PPP1R1C: variants seen among roughly 807,000 people sequenced by gnomAD.
PPP1R1C encodes the protein protein phosphatase 1 regulatory subunit 1C.
Under a neutral mutation model 17.4 loss-of-function variants are expected in PPP1R1C, and 15 were observed. The observed-to-expected ratio is 0.86, with a 90% CI of 0.58 to 1.33. The LOEUF is 1.33. Ranked by LOEUF, PPP1R1C falls within the 40% of genes most tolerant of loss-of-function variation. The probability of loss-of-function intolerance (pLI) is 0.00; values close to 1 mark genes in which losing one functional copy is unlikely to be tolerated. For missense variants in PPP1R1C, 143 were observed against 130.0 expected, an observed-to-expected ratio of 1.10 and a Z score of -0.48; for synonymous variants, 35 against 43.1, an observed-to-expected ratio of 0.81 and a Z score of 0.73.
intron 4 of PPP1R1C, among the ~76,000 whole-genome samples, chr2:182,066,935 C>A (rs994195848): frequency 3.4e-5 from 5 of 145,204 alleles, no homozygotes; most frequent in Admixed American, 7.0e-5. Context: ...ATTTCTATCC[C>A]AATTTTGTGT....
At chr2:182,124,327 G>GTTTTT (rs1294464668) in intron 5 of PPP1R1C, among the ~76,000 whole-genome samples, 8 of 82,994 alleles carry the variant, frequency 9.6e-5, no homozygotes, top group East Asian at 3.4e-4. Context: ...TTTTTTTTTT[G>GTTTTT]TTTTTTTTTT....
downstream of PPP1R1C, among the ~76,000 whole-genome samples, chr2:182,120,007 C>G (rs537692126): frequency 6.6e-6 from 1 of 152,138 alleles, no homozygotes; most frequent in Admixed American, 6.6e-5. Flanking sequence ...ATGGTATTGC[C>G]TAGGTTTTCT....
chr2:182,055,816 C>T (rs189688896), intron 2 of PPP1R1C, among the ~76,000 whole-genome samples: 62 of 152,270 alleles, frequency 4.1e-4, no homozygotes, highest in African/African-American at 1.4e-3. Flanking sequence ...TTTCAAATTG[C>T]TCTGATGTTT....
intron 2 of PPP1R1C, among the ~76,000 whole-genome samples, chr2:182,052,566 A>T (rs532401491): frequency 6.6e-6 from 1 of 152,282 alleles, no homozygotes; most frequent in South Asian, 2.1e-4. Flanking sequence ...CTGGTTTAGG[A>T]TTGCCCACAA....
chr2:182,056,939 T>A (rs190746450), intron 2 of PPP1R1C, among the ~76,000 whole-genome samples: 1 of 152,334 alleles, frequency 6.6e-6, no homozygotes, highest in Non-Finnish European at 1.5e-5. Flanking sequence ...CATTTGAACC[T>A]AGTACATTGA....
At chr2:182,053,620 C>T (rs1178847523) in intron 2 of PPP1R1C, among the ~76,000 whole-genome samples, 3 of 151,886 alleles carry the variant, frequency 2.0e-5, no homozygotes, top group East Asian at 1.9e-4. Flanking sequence ...ATGGTCTGGG[C>T]GTAGAGTTAT....
In PPP1R1C at chr2:181,962,080, G is replaced by A. The variant is rs1446676622; in HGVS notation, n.111+7446G>A. On this transcript the variant is annotated intron_variant and non_coding_transcript_variant, in intron 1 of 5. Coordinates refer to the PPP1R1C transcript ENST00000464264. The surrounding 1 kb of genome is among the most constrained non-coding windows in gnomAD (Gnocchi z 6.0). ...CGAAGATCTGAACCCTCAGGTCCTC[G>A]ATGGTCTTGAGGTAATGACTCCAGT... 4.2e-6 allele frequency: 3 copies of A among 721,388 alleles called. No homozygotes were observed. The highest frequency in any genetic ancestry group is 2.8e-4 in the Middle Eastern group (1 of 3,568). 44.7% of individuals were successfully genotyped at this position (721,388 alleles called of 1,614,324 possible). A position where few individuals can be genotyped will look rare whatever the true frequency, so the allele number is the denominator to read the frequency against.
At chr2:182,090,739 T>A (rs1056120378) in intron 4 of PPP1R1C, among the ~76,000 whole-genome samples, 15 of 152,300 alleles carry the variant, frequency 9.8e-5, no homozygotes, top group African/African-American at 3.6e-4. Context: ...TGTTTTCAGA[T>A]GATAACTAGT....
intron 4 of PPP1R1C, among the ~76,000 whole-genome samples, chr2:182,068,608 G>A (rs1574425363): frequency 6.6e-6 from 1 of 152,288 alleles, no homozygotes; most frequent in Middle Eastern, 3.4e-3. Flanking sequence ...AACAAATGTG[G>A]CTTTTCCCTC....
intron 4 of PPP1R1C, among the ~76,000 whole-genome samples, chr2:182,078,074 G>T (rs909078493): frequency 6.6e-6 from 1 of 152,088 alleles, no homozygotes; most frequent in Admixed American, 6.5e-5. Context: ...CAGCTACTCC[G>T]GAGTCTGAGG....
chr2:182,099,991 A>G (rs1217829754), intron 4 of PPP1R1C, among the ~76,000 whole-genome samples: 2 of 152,210 alleles, frequency 1.3e-5, no homozygotes, highest in Non-Finnish European at 2.9e-5. Flanking sequence ...ACTTAACAAA[A>G]AAAAAGTCCC....
rs556825306 is a variant in PPP1R1C, at chr2:182,042,771, G to A, written c.143-18671G>A. On this transcript the variant is annotated intron_variant, in intron 2 of 4. Coordinates refer to ENST00000682840, the MANE Select transcript of PPP1R1C (RefSeq NM_001080545.3). ...TTCTGTGCACCAGCTTTTGAGAGGTGGCATCAAGTCATGAGACAAACAGGA... is the reference window on the plus strand; with the variant it reads ...TTCTGTGCACCAGCTTTTGAGAGGTAGCATCAAGTCATGAGACAAACAGGA... Among the ~76,000 whole-genome samples the A allele has an allele frequency of 2.6e-4, 39 of 152,260 alleles. No homozygotes were observed. In the South Asian group the frequency reaches 7.7e-3, roughly 30 times the overall value.
chr2:182,031,869 C>T (rs1337280381), intron 2 of PPP1R1C, among the ~76,000 whole-genome samples: 1 of 152,142 alleles, frequency 6.6e-6, no homozygotes, highest in Non-Finnish European at 1.5e-5. Flanking sequence ...TTGATATTCA[C>T]TTAGGAAGCA....
At chr2:182,016,223 C>G (rs951253275) in intron 2 of PPP1R1C, among the ~76,000 whole-genome samples, 1 of 152,336 alleles carries the variant, frequency 6.6e-6, no homozygotes, top group African/African-American at 2.4e-5. Context: ...TCTCTCTCCC[C>G]ACCATGTGGT....
At chr2:181,997,441 A>G (rs916137044) in intron 2 of PPP1R1C, among the ~76,000 whole-genome samples, 2 of 151,598 alleles carry the variant, frequency 1.3e-5, no homozygotes, top group Non-Finnish European at 2.9e-5. Context: ...AAAGCTTTGA[A>G]AATTCAGGTT....
chr2:182,078,569 T>G (rs1688382451), intron 4 of PPP1R1C, among the ~76,000 whole-genome samples: 1 of 152,208 alleles, frequency 6.6e-6, no homozygotes, highest in Non-Finnish European at 1.5e-5. Context: ...TAAAATCCTA[T>G]GTATCTCATC....
chr2:182,002,929 C>CG (rs1559052186), intron 2 of PPP1R1C, among the ~76,000 whole-genome samples: 11 of 114,414 alleles, frequency 9.6e-5, no homozygotes, highest in East Asian at 7.2e-4. Flanking sequence ...TGCCATAAAC[C>CG]TCCCCCCCCC....
chr2:181,986,306 A>G (rs1574353090), intron 1 of PPP1R1C, 115 bp downstream of exon 1: 2 of 801,854 alleles, frequency 2.5e-6, no homozygotes, highest in Middle Eastern at 4.6e-4. Flanking sequence ...GACTTTCAAG[A>G]TAATGTAAAC....
At chr2:182,001,933 A>G (rs1685776519) in intron 2 of PPP1R1C, among the ~76,000 whole-genome samples, 1 of 152,152 alleles carries the variant, frequency 6.6e-6, no homozygotes, top group South Asian at 2.1e-4. Context: ...AATTATTTGC[A>G]GTCATATACG....
Sources: allele counts gnomAD v4.1 joint callset (sites outside exome capture counted in the v4.1 genomes callset), GRCh38; gene constraint gnomAD v4.1.1; non-coding constraint Gnocchi (gnomAD v3.1); transcripts MANE v1.5; gene names NCBI Gene and HGNC (gene_info 2026-07-23, HGNC 2026-07-21).